CGNL1: variants seen among roughly 807,000 people sequenced by gnomAD.
The protein encoded by CGNL1 is cingulin like 1.
CGNL1 carries 132 observed loss-of-function variants against 141.2 expected under a neutral mutation model. That is an observed-to-expected ratio of 0.93 (90% CI 0.81 to 1.08). The LOEUF (loss-of-function observed/expected upper bound fraction) is 1.08, where lower values mean the gene tolerates loss of function less well. CGNL1 is among the 50% of genes least tolerant of loss of function. The probability of loss-of-function intolerance (pLI) is 0.00; values close to 1 mark genes in which losing one functional copy is unlikely to be tolerated. For missense variants in CGNL1, 1,870 were observed against 1,588.6 expected (o/e 1.18, Z -3.01); for synonymous variants, 690 against 622.1 (o/e 1.11, Z -1.63).
intron 1 of CGNL1, among the ~76,000 whole-genome samples, chr15:57,408,989 C>T (rs772240954): frequency 6.6e-6 from 1 of 150,892 alleles, no homozygotes; most frequent in Non-Finnish European, 1.5e-5. Context: ...TGCAGTGAGC[C>T]GAAATGGCAC....
rs987556074 is a variant in CGNL1, at chr15:57,377,059, C to T, written c.-16+492C>T. On this transcript the variant is annotated intron_variant, in intron 1 of 18. Coordinates refer to ENST00000281282, the MANE Select transcript of CGNL1 (RefSeq NM_032866.5). Reference sequence around the variant, plus strand: ...CTCCCCGATCCTCCAGACCACTGCGCCGCCCAGGGAGGTCATCCCCGAGAG... The same window carrying T: ...CTCCCCGATCCTCCAGACCACTGCGTCGCCCAGGGAGGTCATCCCCGAGAG... The T allele has an allele frequency of 4.6e-5, 7 of 152,382 alleles. No individual in the cohort carries two copies. The East Asian group carries it at 1.2e-3, about 25-fold the overall frequency. The allele number at this position is 152,382 out of a possible 1,614,324, so 9.4% of individuals were successfully genotyped here.
chr15:57,547,090 A>T (rs2032909025), intron 18 of CGNL1, among the ~76,000 whole-genome samples: 3 of 152,254 alleles, frequency 2.0e-5, no homozygotes, highest in Non-Finnish European at 4.4e-5. Context: ...CAAGATCAAT[A>T]ATAACAGCCT....
chr15:57,500,802 G>C (rs997214080), intron 8 of CGNL1, among the ~76,000 whole-genome samples: 2 of 152,168 alleles, frequency 1.3e-5, no homozygotes, highest in Non-Finnish European at 2.9e-5. Flanking sequence ...ATGAATGAAT[G>C]AATCGGCTAA....
At chr15:57,377,509 C>T (rs1595634602) in intron 1 of CGNL1, among the ~76,000 whole-genome samples, 1 of 152,318 alleles carries the variant, frequency 6.6e-6, no homozygotes, top group South Asian at 2.1e-4. Context: ...CTCCCACCAG[C>T]CACTCTTCGG....
At position 57,439,172 on chromosome 15, in the gene CGNL1, C is replaced by T. The variant is rs372054369; in HGVS notation, c.1173C>T (p.Ser391=). 2.7e-5 allele frequency: 43 copies of T among 1,614,080 alleles called. No homozygotes were observed. The highest frequency in any genetic ancestry group is 3.6e-5 in the Non-Finnish European group (42 of 1,180,038). The change falls in exon 2 of 19, where the codon AGC becomes AGT. Residue 391 remains serine (S), a synonymous_variant. Transcript: ENST00000281282. ...DDRKRSRSVD[S]AFPFGLQGNS... is the part of the protein sequence containing the mutation. ...GGAAAAGATCCAGAAGCGTGGATAG[C>T]GCCTTTCCTTTTGGCCTCCAAGGGA...
intron 8 of CGNL1, among the ~76,000 whole-genome samples, chr15:57,516,158 C>CAAA (rs10559176): frequency 1.5e-3 from 112 of 72,900 alleles, no homozygotes; most frequent in African/African-American, 2.1e-3. Context: ...GACTCTGTCT[C>CAAA]AAAAAAAAAA....
chr15:57,484,841 G>C (rs767809077), intron 8 of CGNL1, among the ~76,000 whole-genome samples: 33 of 151,922 alleles, frequency 2.2e-4, no homozygotes, highest in Admixed American at 4.6e-4. Context: ...AGTTTGCTGA[G>C]GATGATAGTT....
At chr15:57,515,809 A>C (rs1286826438) in intron 8 of CGNL1, among the ~76,000 whole-genome samples, 1 of 152,040 alleles carries the variant, frequency 6.6e-6, no homozygotes, top group Non-Finnish European at 1.5e-5. Flanking sequence ...TTTCTGTTTT[A>C]TATTGGACAT....
At chr15:57,511,098 G>C (rs2030265625) in intron 8 of CGNL1, among the ~76,000 whole-genome samples, 1 of 152,160 alleles carries the variant, frequency 6.6e-6, no homozygotes, top group Admixed American at 6.5e-5. Flanking sequence ...AATACATGTT[G>C]AATTTCCATG....
At chr15:57,523,390 G>A (rs924058057) in intron 10 of CGNL1, 99 bp from the exon 11 acceptor site, 3 of 978,396 alleles carry the variant, frequency 3.1e-6, no homozygotes, top group Non-Finnish European at 4.7e-6. Flanking sequence ...TAACAGATCT[G>A]ATTGCTTTGC....
chr15:57,439,559 GA>G lies in CGNL1; in HGVS notation c.1564del (p.Ile522PhefsTer3). 1 of 1,613,966 alleles carries G rather than the reference GA, an allele frequency of 6.2e-7. No individual in the cohort carries two copies. The highest frequency in any genetic ancestry group is 8.5e-7 in the Non-Finnish European group (1 of 1,180,022). ...TATSPDSGAK[K>X]ISVKTFPSAS... Reference sequence around the variant, plus strand: ...CAACTTCGCCTGATTCTGGTGCCAAGAAAATTTCCGTGAAGACATTTCCTTC... The same window carrying G: ...CAACTTCGCCTGATTCTGGTGCCAAGAAATTTCCGTGAAGACATTTCCTTC... On this transcript the variant is annotated frameshift_variant, in exon 2 of 19. Coordinates refer to ENST00000281282, the MANE Select transcript of CGNL1 (RefSeq NM_032866.5). LOFTEE classifies it high-confidence loss of function.
intron 1 of CGNL1, among the ~76,000 whole-genome samples, chr15:57,412,584 T>C (rs1388555388): frequency 2.6e-5 from 4 of 152,204 alleles, no homozygotes; most frequent in African/African-American, 7.2e-5. Flanking sequence ...TTTGCCTTCC[T>C]CCACCTCATG....
chr15:57,436,929 A>G (rs1162719001), intron 1 of CGNL1, among the ~76,000 whole-genome samples: 1 of 152,162 alleles, frequency 6.6e-6, no homozygotes, highest in Non-Finnish European at 1.5e-5. Context: ...ATTTTCTTGG[A>G]AAATGTGCTA....
intron 8 of CGNL1, among the ~76,000 whole-genome samples, chr15:57,494,579 G>A (rs1459980747): frequency 2.0e-5 from 3 of 152,198 alleles, no homozygotes; most frequent in Admixed American, 6.5e-5. Flanking sequence ...GATGGATTTT[G>A]TTTTGGGAAT....
At chr15:57,479,190 G>T (rs535799210) in intron 8 of CGNL1, among the ~76,000 whole-genome samples, 29 of 152,210 alleles carry the variant, frequency 1.9e-4, no homozygotes, top group African/African-American at 6.7e-4. Flanking sequence ...ACAAATACAC[G>T]CTCTGTAAAC....
At chr15:57,390,115 C>T (rs1472438906) in intron 1 of CGNL1, among the ~76,000 whole-genome samples, 1 of 152,230 alleles carries the variant, frequency 6.6e-6, no homozygotes, top group African/African-American at 2.4e-5. Flanking sequence ...CGCACCTGGC[C>T]CCAGATCCCA....
rs535662526 is a variant in CGNL1 at position 57,549,939 on chromosome 15, G to A, written c.*2449G>A. ...CCACTCATACCTAGAGACGCTGCTG[G>A]GGAAGGTCAGCACACCCAAGAACTT... On this transcript the variant is annotated 3_prime_UTR_variant, in exon 19 of 19. Transcript: ENST00000281282. 2.0e-5 allele frequency: 3 copies of A among 152,266 alleles called. No homozygotes were observed. The highest frequency in any genetic ancestry group is 4.4e-5 in the Non-Finnish European group (3 of 68,020). The allele number at this position is 152,266 out of a possible 1,614,324, so 9.4% of individuals were successfully genotyped here.
rs1378840961 is a variant in CGNL1, at chr15:57,439,202, G to C, written c.1203G>C (p.Ser401=). ...SAFPFGLQGN[S]EYLIEFSRNL... is the part of the protein sequence containing the mutation. ...TTCCTTTTGGCCTCCAAGGGAACTC[G>C]GAGTACCTGATTGAATTCAGTAGGA... Residue 401 remains serine (S), a synonymous_variant, in exon 2 of 19, where the codon TCG becomes TCC. Coordinates refer to ENST00000281282, the MANE Select transcript of CGNL1 (RefSeq NM_032866.5). The C allele has an allele frequency of 1.2e-6, 2 of 1,614,032 alleles. No individual in the cohort carries two copies. Among genetic ancestry groups the C allele is most frequent in the African/African-American group, 2.7e-5 (2 of 74,930 alleles).
intron 7 of CGNL1, among the ~76,000 whole-genome samples, chr15:57,454,978 C>T (rs1486007418): frequency 6.6e-6 from 1 of 152,082 alleles, no homozygotes; most frequent in Non-Finnish European, 1.5e-5. Context: ...TCTCTGTTTG[C>T]CTCCCTATCT....
Sources: allele counts gnomAD v4.1 joint callset (sites outside exome capture counted in the v4.1 genomes callset), GRCh38; gene constraint gnomAD v4.1.1; transcripts MANE v1.5; gene names NCBI Gene and HGNC (gene_info 2026-07-23, HGNC 2026-07-21).